RBPJ: variants seen among roughly 807,000 people sequenced by gnomAD.
RBPJ encodes the protein recombining binding protein suppressor of hairless.
In RBPJ, 9 loss-of-function variants were observed where a neutral mutation model predicts 67.8. The observed-to-expected ratio is 0.13, with a 90% CI of 0.08 to 0.23. The LOEUF is 0.23. Among genes scored for constraint, RBPJ ranks in the 10% least tolerant of loss-of-function variants. RBPJ has a pLI of 1.00. For missense variants in RBPJ, 305 were observed against 595.6 expected, an observed-to-expected ratio of 0.51 and a Z score of 5.08; for synonymous variants, 198 against 203.3, an observed-to-expected ratio of 0.97 and a Z score of 0.22.
intron 1 of RBPJ, among the ~76,000 whole-genome samples, chr4:26,179,824 C>A (rs1014813755): frequency 1.3e-5 from 2 of 152,094 alleles, no homozygotes; most frequent in African/African-American, 4.8e-5. Flanking sequence ...TGGGTATATA[C>A]CCAAAGGACT....
intron 1 of RBPJ, among the ~76,000 whole-genome samples, chr4:26,297,343 T>G (rs1225389954): frequency 7.2e-6 from 1 of 138,260 alleles, no homozygotes; most frequent in Non-Finnish European, 1.6e-5. Context: ...TTTGTGTGTG[T>G]GTGTGTGTGT....
rs149339272 is a variant in RBPJ at position 26,210,083 on chromosome 4, C to G, written c.-167+46469C>G. Among the ~76,000 whole-genome samples the G allele has an allele frequency of 1.9e-4, 29 of 152,206 alleles. No individual in the cohort carries two copies. In the East Asian group the frequency reaches 4.6e-3, roughly 24 times the overall value. On this transcript the variant is annotated intron_variant, in intron 1 of 4. Transcript: ENST00000512351. The stretch of plus-strand genomic sequence containing the variant: ...GATTGATTTTGCTTCTAGCTGTCTT[C>G]CAGGAAGTCTTTCTTCTTCTACTTC...
rs1735476037 is a variant in RBPJ, at chr4:26,424,807, TCA to T, written c.747+67_747+68del. 1.1e-6 allele frequency: 1 copy of T among 935,930 alleles called. No homozygotes were observed. The highest frequency in any genetic ancestry group is 2.4e-5 in the East Asian group (1 of 41,400). The allele number at this position is 935,930 out of a possible 1,614,324, so 58.0% of individuals were successfully genotyped here. On this transcript the variant is annotated intron_variant, in intron 7 of 10. Transcript: ENST00000355476. The surrounding 1 kb of genome is among the most constrained non-coding windows in gnomAD (Gnocchi z 5.3). ...AAAATTAATTTCTTAAACAGGAAAA[TCA>T]CAACATTCAAATGGAAAAACACACC...
chr4:26,331,611 C>T (rs1275721610), intron 1 of RBPJ, among the ~76,000 whole-genome samples: 1 of 152,102 alleles, frequency 6.6e-6, no homozygotes, highest in Admixed American at 6.6e-5. Context: ...TGCTGTGTTC[C>T]TGTTTTTGGT....
chr4:26,334,728 AC>A (rs960945996), intron 1 of RBPJ, among the ~76,000 whole-genome samples: 69 of 151,758 alleles, frequency 4.5e-4, no homozygotes, highest in African/African-American at 1.6e-3. Context: ...CTTTTACCAG[AC>A]CCCCAAACCT....
At chr4:26,106,066 C>G in the RBPJ span, among the ~76,000 whole-genome samples, 1 of 152,310 alleles carries the variant, frequency 6.6e-6, no homozygotes, top group South Asian at 2.1e-4. Flanking sequence ...CAGGACTATC[C>G]TCTGTCATTC....
chr4:26,172,174 A>T (rs1560196425), intron 1 of RBPJ, among the ~76,000 whole-genome samples: 1 of 152,196 alleles, frequency 6.6e-6, no homozygotes, highest in Non-Finnish European at 1.5e-5. Context: ...GTAGCTCGTG[A>T]TATATACAGA....
chr4:26,346,668 A>T (rs1229540241), intron 1 of RBPJ, among the ~76,000 whole-genome samples: 1 of 152,146 alleles, frequency 6.6e-6, no homozygotes, highest in East Asian at 1.9e-4. Flanking sequence ...ATATCTTCTT[A>T]ACTCCTTTAT....
intron 1 of RBPJ, among the ~76,000 whole-genome samples, chr4:26,373,784 A>G (rs1367319193): frequency 3.3e-5 from 5 of 152,214 alleles, no homozygotes; most frequent in African/African-American, 9.6e-5. Context: ...TTGTTTCAGC[A>G]TCAGATTTAT....
At chr4:26,289,887 T>G (rs1467112372) in intron 1 of RBPJ, among the ~76,000 whole-genome samples, 1 of 150,740 alleles carries the variant, frequency 6.6e-6, no homozygotes, top group Non-Finnish European at 1.5e-5. Flanking sequence ...GTGAGAGTGC[T>G]TGAATGACCT....
At chr4:26,320,965 G>A (rs1210525610), upstream of RBPJ, 3 of 1,608,948 alleles carry the variant, frequency 1.9e-6, no homozygotes, top group African/African-American at 2.7e-5. Context: ...CGGGGGAGAG[G>A]GACCAGGGAA....
chr4:26,164,041 A>C (rs1038554435), intron 1 of RBPJ, among the ~76,000 whole-genome samples: 2 of 152,246 alleles, frequency 1.3e-5, no homozygotes, highest in Non-Finnish European at 2.9e-5. Context: ...TAGGTATTTA[A>C]ATTTTTAGAT....
chr4:26,164,445 G>A (rs1272359439), intron 1 of RBPJ, among the ~76,000 whole-genome samples: 1 of 152,174 alleles, frequency 6.6e-6, no homozygotes, highest in Non-Finnish European at 1.5e-5. Flanking sequence ...CAGAGCAGGG[G>A]CCAAGGAATG....
At chr4:26,133,489 A>T in the RBPJ span, among the ~76,000 whole-genome samples, 1 of 152,088 alleles carries the variant, frequency 6.6e-6, no homozygotes, top group Non-Finnish European at 1.5e-5. Flanking sequence ...GGGGCCCCTA[A>T]CCCCAGGCTG....
chr4:26,347,479 G>T (rs1241120641), intron 1 of RBPJ, among the ~76,000 whole-genome samples: 1 of 152,186 alleles, frequency 6.6e-6, no homozygotes, highest in African/African-American at 2.4e-5. Context: ...GTTCTAGAAG[G>T]AGGTACACTG....
intron 1 of RBPJ, among the ~76,000 whole-genome samples, chr4:26,231,675 G>A (rs1435031144): frequency 6.6e-6 from 1 of 151,768 alleles, no homozygotes; most frequent in Non-Finnish European, 1.5e-5. Context: ...GCCTCCCAAA[G>A]TGTTGGGATT....
At chr4:26,155,255 T>C in the RBPJ span, among the ~76,000 whole-genome samples, 1 of 152,122 alleles carries the variant, frequency 6.6e-6, no homozygotes, top group South Asian at 2.1e-4. Context: ...CTTACAGATA[T>C]AAAAACATTT....
intron 5 of RBPJ, among the ~76,000 whole-genome samples, chr4:26,422,209 C>T (rs1397480229): frequency 1.2e-5 from 1 of 80,180 alleles, no homozygotes. Context: ...TCTGATTATC[C>T]CCTTTTTTTT....
chr4:26,191,198 TATATATATATATAGAGAG>T (rs1174205001), intron 1 of RBPJ, among the ~76,000 whole-genome samples: 11 of 28,978 alleles, frequency 3.8e-4, no homozygotes, highest in Non-Finnish European at 5.9e-4. Flanking sequence ...TATATATATA[TATATATATATATAGAGAG>T]AGAGAGAGAG....
Sources: gnomAD v4.1 joint callset for allele counts (sites outside exome capture counted in the v4.1 genomes callset) on GRCh38, gnomAD v4.1.1 for gene constraint, Gnocchi (gnomAD v3.1) non-coding constraint, MANE v1.5 for transcripts, NCBI Gene and HGNC (gene_info 2026-07-23, HGNC 2026-07-21) for gene names.